C3orf20: variants seen among roughly 807,000 people sequenced by gnomAD.
The protein encoded by C3orf20 is family with sequence similarity 149 member C.
A neutral mutation model predicts 88.3 loss-of-function variants in C3orf20; 76 were observed. The ratio of observed to expected loss-of-function variants is 0.86; its 90% CI spans 0.72 to 1.04. The LOEUF (loss-of-function observed/expected upper bound fraction) is 1.04, where lower values mean the gene tolerates loss of function less well. C3orf20 is among the 50% of genes least tolerant of loss of function. The probability of loss-of-function intolerance (pLI) is 0.00; values close to 1 mark genes in which losing one functional copy is unlikely to be tolerated. For missense variants in C3orf20, 1,056 were observed against 1,123.3 expected, an observed-to-expected ratio of 0.94 and a Z score of 0.86; for synonymous variants, 436 against 437.4, an observed-to-expected ratio of 1.00 and a Z score of 0.04.
At chr3:14,686,150 A>G (rs2124895362) in intron 4 of C3orf20, among the ~76,000 whole-genome samples, 1 of 151,224 alleles carries the variant, frequency 6.6e-6, no homozygotes, top group Non-Finnish European at 1.5e-5. Context: ...GTGAGCCACC[A>G]CGCCCAGCCC....
At chr3:14,737,559 T>C (rs575878255) in intron 12 of C3orf20, among the ~76,000 whole-genome samples, 3 of 152,394 alleles carry the variant, frequency 2.0e-5, no homozygotes, top group Non-Finnish European at 2.9e-5. Flanking sequence ...GATATGCTAA[T>C]GCACATCTGA....
rs2032134586 is a variant in C3orf20 at position 14,682,332 on chromosome 3, G to T, written c.-137+1G>T. On this transcript the variant is annotated splice_donor_variant, in intron 2 of 16. Coordinates refer to ENST00000253697, the MANE Select transcript of C3orf20 (RefSeq NM_032137.5). LOFTEE classifies it low-confidence loss of function (5UTR_SPLICE). ...ACCCTCGGATCTCTAGCTACAAAAG[G>T]TGCAATGGGACCTTTCTCTCTTCCC... The T allele has an allele frequency of 2.8e-5, 5 of 177,872 alleles. No individual in the cohort carries two copies. The highest frequency in any genetic ancestry group is 5.9e-5 in the Non-Finnish European group (5 of 84,040). The allele number at this position is 177,872 out of a possible 1,614,324, so 11.0% of individuals were successfully genotyped here. A position where few individuals can be genotyped will look rare whatever the true frequency, so the allele number is the denominator to read the frequency against.
intron 5 of C3orf20, 118 bp from the exon 6 acceptor site, chr3:14,703,012 T>A (rs748068649): frequency 6.0e-5 from 77 of 1,279,806 alleles, no homozygotes; most frequent in Non-Finnish European, 8.2e-5. Context: ...CGGGACAAAT[T>A]TTAAAGCTCC....
At chr3:14,705,353 A>G (rs777678160) in intron 7 of C3orf20, among the ~76,000 whole-genome samples, 12 of 152,202 alleles carry the variant, frequency 7.9e-5, no homozygotes, top group Non-Finnish European at 1.6e-4. Flanking sequence ...GAAAAGACAA[A>G]TCTCCTTGGA....
chr3:14,742,359 G>A (rs749803861), intron 12 of C3orf20, among the ~76,000 whole-genome samples: 27 of 152,328 alleles, frequency 1.8e-4, no homozygotes, highest in Admixed American at 3.3e-4. Flanking sequence ...GAGAATAAAT[G>A]TATAAATTGC....
In C3orf20 at chr3:14,682,938, C is replaced by T. The variant is rs2124884716; in HGVS notation, c.225C>T (p.Ala75=). 3.7e-6 allele frequency: 6 copies of T among 1,614,144 alleles called. No individual in the cohort carries two copies. In the East Asian group the frequency reaches 6.7e-5, roughly 18 times the overall value. ...DILGLEVSFG[A]PLVVLMEPTF... The stretch of plus-strand genomic sequence containing the variant: ...TGGGCCTGGAGGTCAGCTTTGGAGC[C>T]CCCCTGGTGGTGCTCATGGAACCCA... Residue 75 remains alanine, a synonymous_variant, in exon 3 of 17, where the codon GCC becomes GCT. Coordinates refer to ENST00000253697, the MANE Select transcript of C3orf20 (RefSeq NM_032137.5).
chr3:14,748,132 T>C (rs543035339), intron 12 of C3orf20, among the ~76,000 whole-genome samples: 2 of 152,198 alleles, frequency 1.3e-5, no homozygotes, highest in Non-Finnish European at 2.9e-5. Context: ...TTTTGATTAC[T>C]GATTCAATCT....
At chr3:14,687,046 C>T (rs1014081765) in intron 4 of C3orf20, among the ~76,000 whole-genome samples, 4 of 152,168 alleles carry the variant, frequency 2.6e-5, no homozygotes, top group South Asian at 2.1e-4. Flanking sequence ...ATGCCTGATG[C>T]GGGGGAGCAG....
intron 5 of C3orf20, among the ~76,000 whole-genome samples, chr3:14,698,875 G>A (rs539867527): frequency 3.9e-5 from 6 of 152,314 alleles, no homozygotes; most frequent in African/African-American, 1.2e-4. Context: ...AGTTCCCTCA[G>A]GCCCCAGGCA....
intron 14 of C3orf20, 126 bp downstream of exon 14, chr3:14,760,124 T>C: frequency 1.3e-6 from 1 of 742,738 alleles, no homozygotes; most frequent in Non-Finnish European, 2.3e-6. Flanking sequence ...CGGAATTATC[T>C]CCCCACCGTG....
At chr3:14,702,769 C>A (rs980704719) in intron 5 of C3orf20, among the ~76,000 whole-genome samples, 1 of 152,048 alleles carries the variant, frequency 6.6e-6, no homozygotes, top group Non-Finnish European at 1.5e-5. Flanking sequence ...AGCAATCATG[C>A]GTTCCCAACA....
intron 15 of C3orf20, among the ~76,000 whole-genome samples, chr3:14,770,103 G>A (rs555697048): frequency 7.9e-5 from 12 of 152,102 alleles, no homozygotes; most frequent in African/African-American, 7.2e-5. Context: ...CCTACCCTGC[G>A]TCTCCTGCCC....
rs374450489 is a variant in C3orf20 at position 14,697,789 on chromosome 3, A to G, written c.746-5341A>G. Reference sequence around the variant, plus strand: ...TGATCTCATTGTTCAATTCCCACCTATGAGTGAGAACATGCAGTGTTTGGT... The same window carrying G: ...TGATCTCATTGTTCAATTCCCACCTGTGAGTGAGAACATGCAGTGTTTGGT... On this transcript the variant is annotated intron_variant, in intron 5 of 16. Transcript: ENST00000253697. 1.8e-4 allele frequency among the ~76,000 whole-genome samples: 25 copies of G among 141,590 alleles called. No individual in the cohort carries two copies. The South Asian group carries it at 2.7e-3, about 15-fold the overall frequency. 92.9% of individuals were successfully genotyped at this position (141,590 alleles called of 152,430 possible).
intron 7 of C3orf20, among the ~76,000 whole-genome samples, chr3:14,707,560 C>G (rs928470643): frequency 6.7e-6 from 1 of 150,298 alleles, no homozygotes. Flanking sequence ...AGTTGTCTTT[C>G]TTTAAAACAA....
chr3:14,692,180 C>T (rs796353244), intron 5 of C3orf20, among the ~76,000 whole-genome samples: 27 of 152,340 alleles, frequency 1.8e-4, no homozygotes, highest in Admixed American at 9.1e-4. Context: ...CAACTCTTGG[C>T]CATTATGAGT....
At chr3:14,675,277 T>A (rs1428248718) in intron 1 of C3orf20, 25 bp downstream of exon 1, 1 of 152,212 alleles carries the variant, frequency 6.6e-6, no homozygotes, top group African/African-American at 2.4e-5. Flanking sequence ...CTGAAAGGAA[T>A]TCATTGACCC....
At chr3:14,769,351 G>A (rs1028446460) in intron 15 of C3orf20, among the ~76,000 whole-genome samples, 3 of 151,884 alleles carry the variant, frequency 2.0e-5, no homozygotes, top group Non-Finnish European at 4.4e-5. Context: ...TGCACCGCAG[G>A]AACCTGTGAG....
chr3:14,700,578 CT>C (rs1287603367), intron 5 of C3orf20, among the ~76,000 whole-genome samples: 1 of 152,192 alleles, frequency 6.6e-6, no homozygotes, highest in African/African-American at 2.4e-5. Flanking sequence ...TATGTGGCTG[CT>C]TTCCTTTGCC....
In C3orf20 at chr3:14,695,704, T is replaced by C. The variant is rs545362427; in HGVS notation, c.745+5588T>C. On this transcript the variant is annotated intron_variant, in intron 5 of 16. Coordinates refer to ENST00000253697, the MANE Select transcript of C3orf20 (RefSeq NM_032137.5). ...TGGGTATATATATATTTACTTATGT[T>C]ATATCTTCTTGCTGAATTGACTTCT... Among the ~76,000 whole-genome samples the C allele has an allele frequency of 2.0e-5, 3 of 152,338 alleles. No homozygotes were observed. The East Asian group carries it at 5.8e-4, about 29-fold the overall frequency.
Sources: gnomAD v4.1 joint callset for allele counts (sites outside exome capture counted in the v4.1 genomes callset) on GRCh38, gnomAD v4.1.1 for gene constraint, MANE v1.5 for transcripts, NCBI Gene and HGNC (gene_info 2026-07-23, HGNC 2026-07-21) for gene names.